Variants in ANO7 observed in about 807,000 individuals in gnomAD.
The protein encoded by ANO7 is anoctamin 7, also known as anoctamin-7.
A neutral mutation model predicts 115.8 loss-of-function variants in ANO7; 114 were observed. The observed-to-expected ratio is 0.98, with a 90% CI of 0.85 to 1.15. The LOEUF (loss-of-function observed/expected upper bound fraction) is 1.15. ANO7 is among the 50% of genes most tolerant of loss of function. The pLI is 0.00. For synonymous variants in ANO7, 550 were observed against 498.2 expected (o/e 1.10, Z -1.38); for missense variants, 1,302 against 1,201.2 (o/e 1.08, Z -1.24).
chr2:241,218,296 C>A lies in ANO7; in HGVS notation c.2236C>A (p.Arg746Ser), dbSNP rs775914484. The A allele has an allele frequency of 4.6e-6, 7 of 1,536,208 alleles. No homozygotes were observed. The highest frequency in any genetic ancestry group is 5.3e-5 in the East Asian group (2 of 37,466). Residue 746 changes from arginine (R) to serine (S), a missense_variant, in exon 21 of 25, where the codon CGC (arginine) becomes AGC (serine). Transcript: ENST00000674324. ...GCCGCGCGCCTACTACCGGTGGACC[C>A]GCGCCCACGACCTGCGCGGCTTCCT... is the stretch of plus-strand genomic sequence containing the variant. Reference protein sequence around the residue: ...FLPRAYYRWTRAHDLRGFLNF... With the variant: ...FLPRAYYRWTSAHDLRGFLNF...
At chr2:241,212,243 C>G in intron 16 of ANO7, 38 bp downstream of exon 16, 1 of 1,543,142 alleles carries the variant, frequency 6.5e-7, no homozygotes, top group Non-Finnish European at 9.0e-7. Context: ...CAGCTTGTCC[C>G]GGCTTAGTTC....
chr2:241,191,399 G>T, intron 3 of ANO7, 148 bp downstream of exon 3: 1 of 942,006 alleles, frequency 1.1e-6, no homozygotes, highest in East Asian at 2.6e-5. Flanking sequence ...CTGGGGTGAG[G>T]GCCTCGGGGT....
At chr2:241,191,138 G>C in intron 2 of ANO7, 56 bp from the exon 3 acceptor site, 3 of 1,602,426 alleles carry the variant, frequency 1.9e-6, no homozygotes, top group Non-Finnish European at 2.6e-6. Flanking sequence ...GGTGGGTGTA[G>C]TTGTCGAGGG....
At chr2:241,215,049 G>T (rs901439229) in intron 18 of ANO7, 147 bp downstream of exon 18, 4 of 758,580 alleles carry the variant, frequency 5.3e-6, no homozygotes, top group Non-Finnish European at 8.3e-6. Flanking sequence ...GAGTGTGCCC[G>T]GCCGTCTGCC....
chr2:241,203,272 A>T lies in ANO7; in HGVS notation c.724-61A>T. 7.3e-7 allele frequency: 1 copy of T among 1,378,784 alleles called. No homozygotes were observed. Among genetic ancestry groups the T allele is most frequent in the South Asian group, 1.5e-5 (1 of 65,466 alleles). 85.4% of individuals were successfully genotyped at this position (1,378,784 alleles called of 1,614,324 possible). On this transcript the variant is annotated intron_variant, in intron 8 of 24. Transcript: ENST00000674324. The surrounding 1 kb of genome is among the most constrained non-coding windows in gnomAD (Gnocchi z 4.8). ...GTCCCACACTGAAGCCCCTGCACCT[A>T]CAACAGTGCCCAGTGGGGTCAGCTG...
chr2:241,223,153 G>T, intron 21 of ANO7, 33 bp from the exon 22 acceptor site: 1 of 1,597,372 alleles, frequency 6.3e-7, no homozygotes. Context: ...ACTCAGCCCT[G>T]GCTGCGCGCA....
chr2:241,203,192 T>G lies in ANO7; in HGVS notation c.724-141T>G. On this transcript the variant is annotated intron_variant, in intron 8 of 24. Transcript: ENST00000674324. This position sits in a 1 kb window ranked among gnomAD's most constrained non-coding sequence, Gnocchi z 4.8. ...ACCACCCTGTACCCACCCCTCCACA[T>G]TACTCTATTTTTTCTTCATGGAGCA... is the stretch of plus-strand genomic sequence containing the variant. 128 of 436,618 alleles carry G rather than the reference T, an allele frequency of 2.9e-4. No homozygotes were observed. The highest frequency in any genetic ancestry group is 6.7e-4 in the East Asian group (12 of 18,030). 27.0% of individuals were successfully genotyped at this position (436,618 alleles called of 1,614,324 possible).
At chr2:241,213,520 G>A (rs182340020) in intron 17 of ANO7, among the ~76,000 whole-genome samples, 3 of 152,244 alleles carry the variant, frequency 2.0e-5, no homozygotes, top group African/African-American at 4.8e-5. Flanking sequence ...AGTAACTGAC[G>A]TGTGCATCAC....
the ANO7 span, chr2:241,236,579 T>G: frequency 1.2e-6 from 2 of 1,609,248 alleles, no homozygotes; most frequent in South Asian, 2.2e-5. Flanking sequence ...TGACTGGGCC[T>G]TGGCGGGGGG....
rs772162177 is a variant in ANO7 at position 241,212,616 on chromosome 2, G to A, written c.1718G>A (p.Arg573His). Reference sequence around the variant, plus strand: ...AACTACCACACCTTGTTTGGAGTCCGCAATGAGGAGGTGAGTGTGCCTGAG... The same window carrying A: ...AACTACCACACCTTGTTTGGAGTCCACAATGAGGAGGTGAGTGTGCCTGAG... ...PGNYHTLFGV[R>H]NEECAAGGCL... The change falls in exon 17 of 25, where the codon CGC becomes CAC. Residue 573 changes from arginine (R) to histidine (H), a missense_variant. Transcript: ENST00000674324. 4.0e-5 allele frequency: 65 copies of A among 1,612,350 alleles called. No individual in the cohort carries two copies. The highest frequency in any genetic ancestry group is 1.7e-4 in the Admixed American group (10 of 59,802).
At chr2:241,199,231 T>C (rs2068411827) in intron 4 of ANO7, 85 bp from the exon 5 acceptor site, 2 of 1,194,750 alleles carry the variant, frequency 1.7e-6, no homozygotes, top group South Asian at 2.5e-5. Context: ...TGCCAGTCTT[T>C]TCCTAAGAGT....
intron 3 of ANO7, 77 bp from the exon 4 acceptor site, chr2:241,195,625 TG>T: frequency 7.0e-7 from 1 of 1,429,668 alleles, no homozygotes; most frequent in Non-Finnish European, 9.7e-7. Context: ...GCGTCCCGGC[TG>T]GGATGCTGGC....
chr2:241,189,000 G>C lies in ANO7; in HGVS notation c.-8+234G>C, dbSNP rs544576777. 6.6e-6 allele frequency among the ~76,000 whole-genome samples: 1 copy of C among 152,208 alleles called. No homozygotes were observed. Among genetic ancestry groups the C allele is most frequent in the Non-Finnish European group, 1.5e-5 (1 of 68,022 alleles). On this transcript the variant is annotated intron_variant, in intron 1 of 24. Transcript: ENST00000674324. This position sits in a 1 kb window ranked among gnomAD's most constrained non-coding sequence, Gnocchi z 4.3. ...GGGGTTGGCTTCCTGCCTGCCCAGG[G>C]GCTCCCCCATGGAGCAGGTCCCTTC... is the stretch of plus-strand genomic sequence containing the variant.
Position 241,203,404 on chromosome 2 carries a change from C to A in ANO7, c.795C>A (p.His265Gln). 5 of 1,597,712 alleles carry A rather than the reference C, an allele frequency of 3.1e-6. No individual in the cohort carries two copies. The highest frequency in any genetic ancestry group is 1.1e-5 in the South Asian group (1 of 88,688). ...ACCAGCGCCAAGTCCTTTTCCAGCA[C>A]TGGGCGCGCTGGGGCAAGTGGAACA... is the stretch of plus-strand genomic sequence containing the variant. Reference protein sequence around the residue: ...RLNQRQVLFQHWARWGKWNKY... With the variant: ...RLNQRQVLFQQWARWGKWNKY... Residue 265 changes from histidine (H) to glutamine (Q), a missense_variant, in exon 9 of 25, where the codon CAC becomes CAA. Coordinates refer to ENST00000674324, the MANE Select transcript of ANO7 (RefSeq NM_001370694.2). The surrounding 1 kb of genome is among the most constrained non-coding windows in gnomAD (Gnocchi z 4.8).
the ANO7 span, chr2:241,236,888 A>G: frequency 3.0e-6 from 3 of 1,001,072 alleles, no homozygotes; most frequent in Non-Finnish European, 4.5e-6. Context: ...GGGAGGGAAA[A>G]CCACTCCTGT....
intron 4 of ANO7, among the ~76,000 whole-genome samples, chr2:241,198,587 A>C (rs575299796): frequency 1.3e-5 from 2 of 152,198 alleles, no homozygotes; most frequent in South Asian, 4.1e-4. Context: ...CATCACGGCC[A>C]GCTGGGGGCC....
At chr2:241,220,297 C>T (rs1410081233) in intron 21 of ANO7, among the ~76,000 whole-genome samples, 1 of 152,148 alleles carries the variant, frequency 6.6e-6, no homozygotes, top group Non-Finnish European at 1.5e-5. Context: ...TTTTGTCCTT[C>T]AAATAGCGGA....
chr2:241,204,908 A>G lies in ANO7; in HGVS notation c.933A>G (p.Thr311=), dbSNP rs774571645. ...TCCTGCCAGCGGCAGTGGTGGGCAC[A>G]CTGGTGTTCCTGGTGGGCTGCTTCC... ...GWLLPAAVVG[T]LVFLVGCFLV... is the part of the protein sequence containing the mutation. Residue 311 remains threonine, a synonymous_variant, in exon 10 of 25, where the codon ACA becomes ACG. Transcript: ENST00000674324. The G allele has an allele frequency of 6.2e-7, 1 of 1,613,928 alleles. No homozygotes were observed. Among genetic ancestry groups the G allele is most frequent in the South Asian group, 1.1e-5 (1 of 91,068 alleles).
In ANO7 at chr2:241,207,587, G is replaced by A; in HGVS notation, c.994G>A (p.Gly332Ser). 2 of 1,613,608 alleles carry A rather than the reference G, an allele frequency of 1.2e-6. No homozygotes were observed. The highest frequency in any genetic ancestry group is 1.7e-6 in the Non-Finnish European group (2 of 1,179,958). ...CATGCCTTGCAGGCAGGAACTGTGTGGCAGCAAGGACAGCTTCGAGATGTG... is the reference window on the plus strand; with the variant it reads ...CATGCCTTGCAGGCAGGAACTGTGTAGCAGCAAGGACAGCTTCGAGATGTG... ...FSDIPTQELC[G>S]SKDSFEMCPL... Residue 332 changes from glycine to serine, a missense_variant, in exon 11 of 25, where the codon GGC (glycine) becomes AGC (serine). Physicochemically the swap from Gly to Ser is moderately conservative, Grantham distance 56. Coordinates refer to ENST00000674324, the MANE Select transcript of ANO7 (RefSeq NM_001370694.2).
Sources: gnomAD v4.1 joint callset for allele counts (sites outside exome capture counted in the v4.1 genomes callset) on GRCh38, gnomAD v4.1.1 for gene constraint, Gnocchi (gnomAD v3.1) non-coding constraint, MANE v1.5 for transcripts, NCBI Gene and HGNC (gene_info 2026-07-23, HGNC 2026-07-21) for gene names.